The following DLG2 variants were observed in gnomAD, a reference collection of about 807,000 sequenced individuals.
DLG2 encodes discs large MAGUK scaffold protein 2.
DLG2 carries 45 observed loss-of-function variants against 132.5 expected under a neutral mutation model. The observed-to-expected ratio is 0.34, with a 90% confidence interval of 0.27 to 0.44. DLG2 has a LOEUF of 0.44. Ranked by LOEUF, DLG2 falls within the 20% of genes least tolerant of loss-of-function variation. The probability of loss-of-function intolerance (pLI) is 1.00; values close to 1 mark genes in which losing one functional copy is unlikely to be tolerated. For synonymous variants in DLG2, 424 were observed against 419.6 expected (o/e 1.01, Z -0.13); for missense variants, 1,045 against 1,196.9 (o/e 0.87, Z 1.87).
intron 6 of DLG2, among the ~76,000 whole-genome samples, chr11:84,707,599 A>T (rs1452733017): frequency 6.6e-6 from 1 of 151,878 alleles, no homozygotes; most frequent in Non-Finnish European, 1.5e-5. Context: ...CCAAGCTAGG[A>T]GCTGGCTGAA....
intron 3 of DLG2, among the ~76,000 whole-genome samples, chr11:85,433,587 G>T (rs1259143300): frequency 1.3e-5 from 2 of 152,170 alleles, no homozygotes; most frequent in Admixed American, 6.5e-5. Context: ...TTACATAATG[G>T]TAAAGGGATC....
intron 6 of DLG2, among the ~76,000 whole-genome samples, chr11:84,794,575 G>A (rs1283262247): frequency 6.6e-6 from 1 of 152,210 alleles, no homozygotes; most frequent in African/African-American, 2.4e-5. Flanking sequence ...GGATGCAGCT[G>A]CAGCCACCCA....
intron 3 of DLG2, among the ~76,000 whole-genome samples, chr11:85,416,976 T>C (rs1228115860): frequency 6.6e-6 from 1 of 152,168 alleles, no homozygotes; most frequent in South Asian, 2.1e-4. Flanking sequence ...CTTCCAATAC[T>C]ATATCGAATA....
intron 6 of DLG2, among the ~76,000 whole-genome samples, chr11:84,721,165 G>A (rs867589159): frequency 1.3e-5 from 2 of 152,164 alleles, no homozygotes; most frequent in African/African-American, 4.8e-5. Context: ...CCCGCTCGGA[G>A]CGCGGCAGGG....
intron 3 of DLG2, among the ~76,000 whole-genome samples, chr11:85,468,886 G>A (rs935006374): frequency 6.6e-5 from 10 of 152,066 alleles, no homozygotes; most frequent in Admixed American, 5.9e-4. Flanking sequence ...TTCAACTTGT[G>A]GGCTCAAGCA....
chr11:85,157,998 C>A, intron 4 of DLG2, among the ~76,000 whole-genome samples: 1 of 152,048 alleles, frequency 6.6e-6, no homozygotes, highest in East Asian at 1.9e-4. Context: ...AGGCAGTTGC[C>A]AGGCAAGATA....
intron 7 of DLG2, among the ~76,000 whole-genome samples, chr11:84,441,734 A>G (rs2154477789): frequency 6.6e-6 from 1 of 152,342 alleles, no homozygotes; most frequent in Admixed American, 6.5e-5. Flanking sequence ...TGAATAAAGT[A>G]CAATCTTTTT....
intron 6 of DLG2, among the ~76,000 whole-genome samples, chr11:84,576,763 A>G (rs2099501201): frequency 6.6e-6 from 1 of 152,174 alleles, no homozygotes; most frequent in Admixed American, 6.5e-5. Flanking sequence ...CAAATGACAC[A>G]AAGAATCTAT....
chr11:85,187,049 T>C (rs904343336), intron 4 of DLG2, among the ~76,000 whole-genome samples: 2 of 152,088 alleles, frequency 1.3e-5, no homozygotes, highest in Non-Finnish European at 2.9e-5. Flanking sequence ...ATAATCAACA[T>C]TTTAAAAATC....
intron 7 of DLG2, among the ~76,000 whole-genome samples, chr11:84,453,244 G>A (rs182340129): frequency 2.5e-3 from 373 of 151,700 alleles, no homozygotes; most frequent in African/African-American, 8.0e-3. Flanking sequence ...GGCTGAAGTA[G>A]AGAAAAAGCT....
chr11:83,868,830 A>C (rs1363258020), intron 16 of DLG2, among the ~76,000 whole-genome samples: 3 of 152,146 alleles, frequency 2.0e-5, no homozygotes, highest in Non-Finnish European at 4.4e-5. Context: ...CTACTTTTGA[A>C]GGTCAGGGTG....
chr11:84,179,595 C>G (rs746465064), intron 8 of DLG2, among the ~76,000 whole-genome samples: 8 of 152,102 alleles, frequency 5.3e-5, no homozygotes, highest in African/African-American at 9.7e-5. Context: ...CTCTACGAGG[C>G]CTTCGTATTG....
At chr11:83,697,804 T>C (rs1178067577) in intron 18 of DLG2, among the ~76,000 whole-genome samples, 5 of 152,176 alleles carry the variant, frequency 3.3e-5, no homozygotes, top group Non-Finnish European at 7.3e-5. Flanking sequence ...CACCACATTG[T>C]GATATTTTTT....
intron 2 of DLG2, among the ~76,000 whole-genome samples, chr11:85,601,431 T>A (rs1591194440): frequency 6.6e-6 from 1 of 151,814 alleles, no homozygotes; most frequent in South Asian, 2.1e-4. Flanking sequence ...ACCTCCGCCT[T>A]CTGGGTTCAA....
intron 3 of DLG2, among the ~76,000 whole-genome samples, chr11:85,549,543 C>A (rs1040743436): frequency 6.6e-6 from 1 of 152,064 alleles, no homozygotes; most frequent in Non-Finnish European, 1.5e-5. Flanking sequence ...AATATAAAAA[C>A]GTCAGAGGCA....
chr11:85,007,664 C>CAAAAAAAAAAAAAAAAAA (rs57188165), intron 6 of DLG2, among the ~76,000 whole-genome samples: 2 of 88,534 alleles, frequency 2.3e-5, no homozygotes, highest in Non-Finnish European at 4.4e-5. Flanking sequence ...GACTCCGTCT[C>CAAAAAAAAAAAAAAAAAA]AAAAAAAAAA....
At chr11:84,901,902 A>G (rs1433857664) in intron 6 of DLG2, among the ~76,000 whole-genome samples, 1 of 152,094 alleles carries the variant, frequency 6.6e-6, no homozygotes, top group Non-Finnish European at 1.5e-5. Context: ...TAAGGGGGGA[A>G]AAAAAGGAAG....
chr11:85,234,094 T>C (rs1366927528), intron 4 of DLG2, among the ~76,000 whole-genome samples: 1 of 151,924 alleles, frequency 6.6e-6, no homozygotes. Flanking sequence ...ATGTGGCCTC[T>C]GCCCTCACAG....
chr11:83,810,159 A>G (rs1009830097), intron 17 of DLG2, among the ~76,000 whole-genome samples: 7 of 152,026 alleles, frequency 4.6e-5, no homozygotes, highest in African/African-American at 1.7e-4. Context: ...GACAATGTAA[A>G]TTATTCTTCC....
Sources: gnomAD v4.1 joint callset for allele counts (sites outside exome capture counted in the v4.1 genomes callset) on GRCh38, gnomAD v4.1.1 for gene constraint, MANE v1.5 for transcripts, NCBI Gene and HGNC (gene_info 2026-07-23, HGNC 2026-07-21) for gene names.